PDZD4: variants seen among roughly 807,000 people sequenced by gnomAD.
PDZD4 encodes the protein PDZ domain containing 4.
In PDZD4, 9 loss-of-function variants were observed where a neutral mutation model predicts 38.5. That is an observed-to-expected ratio of 0.23 (90% CI 0.14 to 0.41). The LOEUF (loss-of-function observed/expected upper bound fraction) is 0.41. Ranked by LOEUF, PDZD4 falls within the 10% of genes least tolerant of loss-of-function variation. PDZD4 has a pLI of 1.00. For synonymous variants in PDZD4, 349 were observed against 315.7 expected, an observed-to-expected ratio of 1.11 and a Z score of -1.12; for missense variants, 612 against 722.0, an observed-to-expected ratio of 0.85 and a Z score of 1.75.
chrX:153,803,396 C>A lies in PDZD4; in HGVS notation c.2285G>T (p.Gly762Val). The stretch of plus-strand genomic sequence containing the variant: ...GAGAAGAGGGTTGTAGACCCGCTTG[C>A]CATCGGCGGAGCGCGCGCCGTGGGC... ...MLAHGARSAD[G>V]KRVYNPLLSV... Residue 762 changes from glycine to valine, a missense_variant, in exon 8 of 8, where the codon GGC becomes GTC. Physicochemically the swap from Gly to Val is moderately radical, Grantham distance 109 (BLOSUM62 -3). This residue lies in a region of PDZD4 where 87 missense variants were observed against 126.3 expected (regional missense o/e 0.69). Transcript: ENST00000393758. 3 of 1,142,251 alleles carry A rather than the reference C, an allele frequency of 2.6e-6. No homozygotes were observed. The highest frequency in any genetic ancestry group is 3.5e-6 in the Non-Finnish European group (3 of 863,643). 94.1% of individuals were successfully genotyped at this position (1,142,251 alleles called of 1,213,427 possible). A position where few individuals can be genotyped will look rare whatever the true frequency, so the allele number is the denominator to read the frequency against.
rs782161481 is a variant in PDZD4 at position 153,804,010 on chromosome X, C to T, written c.1671G>A (p.Lys557=). ...HAEERGRRNP[K]TGLTLERVGP... is the part of the protein sequence containing the mutation. ...CCACACGCTCCAGGGTCAACCCCGT[C>T]TTGGGGTTGCGGCGGCCGCGCTCCT... is the stretch of plus-strand genomic sequence containing the variant. Residue 557 remains lysine, a synonymous_variant, in exon 8 of 8, where the codon AAG becomes AAA. Coordinates refer to ENST00000393758, the MANE Select transcript of PDZD4 (RefSeq NM_001303512.2). 1.7e-5 allele frequency: 20 copies of T among 1,160,536 alleles called. No individual in the cohort carries two copies. The highest frequency in any genetic ancestry group is 2.2e-5 in the Non-Finnish European group (19 of 871,240).
rs1434496078 is a variant in PDZD4 at position 153,803,773 on chromosome X, G to A, written c.1908C>T (p.Ser636=). ...GCTTGGCCACGTAGCGGGTTCCGTC[G>A]CTGCGCACCTTCACTTTCCACTCCA... ...PRMEWKVKVR[S]DGTRYVAKRP... The change falls in exon 8 of 8, where the codon AGC becomes AGT. Residue 636 remains serine (S), a synonymous_variant. Transcript: ENST00000393758. 2 of 1,207,044 alleles carry A rather than the reference G, an allele frequency of 1.7e-6. No homozygotes were observed. Among genetic ancestry groups the A allele is most frequent in the Non-Finnish European group, 2.2e-6 (2 of 895,146 alleles).
rs782685044 is a variant in PDZD4, at chrX:153,806,782, C to T, written c.464G>A (p.Arg155His). 8.3e-7 allele frequency: 1 copy of T among 1,211,337 alleles called. No individual in the cohort carries two copies. Among genetic ancestry groups the T allele is most frequent in the South Asian group, 1.8e-5 (1 of 56,929 alleles). Reference sequence around the variant, plus strand: ...GCCCAGGTCCTCCTCGTCGTCCGTGCGGTAGCAAACCATCAGGCCCAGCTT... The same window carrying T: ...GCCCAGGTCCTCCTCGTCGTCCGTGTGGTAGCAAACCATCAGGCCCAGCTT... ...RDKLGLMVCY[R>H]TDDEEDLGIY... is the part of the protein sequence containing the mutation. Residue 155 changes from arginine to histidine, a missense_variant, in exon 4 of 8, where the codon CGC becomes CAC. Arg to His is a conservative substitution (Grantham distance 29). Transcript: ENST00000393758.
Position 153,805,489 on chromosome X carries a change from T to C in PDZD4, c.669+16A>G, listed in dbSNP as rs917728863. ...CTGATGTCGTGGCCCCGGGTCGCCC[T>C]GCCAGGCATACACACCTGACTCTCA... is the stretch of plus-strand genomic sequence containing the variant. On this transcript the variant is annotated intron_variant, in intron 6 of 7. Transcript: ENST00000393758. 2 of 1,176,331 alleles carry C rather than the reference T, an allele frequency of 1.7e-6. No individual in the cohort carries two copies.
In PDZD4 at chrX:153,804,283, G is replaced by A. The variant is rs372429047; in HGVS notation, c.1398C>T (p.Pro466=). The A allele has an allele frequency of 2.1e-4, 258 of 1,207,344 alleles. No individual in the cohort carries two copies. The highest frequency in any genetic ancestry group is 4.3e-4 in the Admixed American group (20 of 46,018). ...TGGTGCTGTCCTTGTCCGACTTCTCGGGCAGCTCGGAGATGTCGGACAGCT... is the reference window on the plus strand; with the variant it reads ...TGGTGCTGTCCTTGTCCGACTTCTCAGGCAGCTCGGAGATGTCGGACAGCT... ...KHELSDISEL[P]EKSDKDSTSA... Residue 466 remains proline (P), a synonymous_variant, in exon 8 of 8, where the codon CCC becomes CCT. Transcript: ENST00000393758.
At chrX:153,805,357 AG>A in intron 6 of PDZD4, 147 bp downstream of exon 6, 1 of 685,970 alleles carries the variant, frequency 1.5e-6, no homozygotes, top group Non-Finnish European at 2.2e-6. Context: ...AGAGGCCAGG[AG>A]GGGAAACGGG....
chrX:153,824,942 G>C (rs1557082205), intron 1 of PDZD4, among the ~76,000 whole-genome samples: 1 of 112,309 alleles, frequency 8.9e-6, no homozygotes, highest in African/African-American at 3.2e-5. Context: ...AGGTTTTGGT[G>C]AGCCCAGATC....
At chrX:153,829,378 C>T in intron 1 of PDZD4, among the ~76,000 whole-genome samples, 1 of 111,479 alleles carries the variant, frequency 9.0e-6, no homozygotes, top group South Asian at 3.8e-4. Flanking sequence ...CCTGTCTGCT[C>T]CTGGGTGCCT....
chrX:153,809,358 G>A (rs1327810294), intron 1 of PDZD4, among the ~76,000 whole-genome samples: 1 of 112,605 alleles, frequency 8.9e-6, no homozygotes, highest in African/African-American at 3.2e-5. Flanking sequence ...AGGCCTAGGC[G>A]GGCAGATCAC....
intron 4 of PDZD4, 140 bp downstream of exon 4, chrX:153,806,602 C>T (rs1309521245): frequency 7.7e-6 from 4 of 519,405 alleles, no homozygotes; most frequent in South Asian, 5.8e-5. Flanking sequence ...TGGCTGAAGC[C>T]GTCGACCATC....
chrX:153,829,933 G>C, intron 1 of PDZD4: 3 of 810,964 alleles, frequency 3.7e-6, no homozygotes, highest in Non-Finnish European at 4.5e-6. Context: ...CCTGGGTCCT[G>C]CGGGGAGAGC....
In PDZD4 at chrX:153,822,677, GTCTT is replaced by G. The variant is rs781923115; in HGVS notation, c.60+7558_60+7561del. On this transcript the variant is annotated intron_variant, in intron 1 of 7. Coordinates refer to ENST00000393758, the MANE Select transcript of PDZD4 (RefSeq NM_001303512.2). ...CCTCTCTCTCTCTCTCTTTCTCTCT[GTCTT>G]TCTTTCTTTTTTTTCCAGACACAGT... 9.9e-4 allele frequency among the ~76,000 whole-genome samples: 98 copies of G among 99,399 alleles called. 1 individual carries two copies. Among genetic ancestry groups the G allele is most frequent in the African/African-American group, 3.3e-3 (86 of 26,444 alleles). The allele number at this position is 99,399 out of a possible 115,157, so 86.3% of individuals were successfully genotyped here.
chrX:153,830,357 C>G lies in PDZD4; in HGVS notation c.-59G>C. Reference sequence around the variant, plus strand: ...AACGGGAAGACGCCTTTCACTGACCCGGGCGCGGGACCTCGGGTCCCGGGC... The same window carrying G: ...AACGGGAAGACGCCTTTCACTGACCGGGGCGCGGGACCTCGGGTCCCGGGC... On this transcript the variant is annotated 5_prime_UTR_variant, in exon 1 of 8. Coordinates refer to ENST00000393758, the MANE Select transcript of PDZD4 (RefSeq NM_001303512.2). The G allele has an allele frequency of 9.1e-7, 1 of 1,103,034 alleles. No homozygotes were observed. Among genetic ancestry groups the G allele is most frequent in the Non-Finnish European group, 1.2e-6 (1 of 809,747 alleles). 90.9% of individuals were successfully genotyped at this position (1,103,034 alleles called of 1,213,427 possible). A position where few individuals can be genotyped will look rare whatever the true frequency, so the allele number is the denominator to read the frequency against.
At position 153,804,501 on chromosome X, in the gene PDZD4, C is replaced by T. The variant is rs1557076107; in HGVS notation, c.1180G>A (p.Asp394Asn). The T allele has an allele frequency of 2.5e-6, 3 of 1,210,290 alleles. No individual in the cohort carries two copies. The highest frequency in any genetic ancestry group is 3.3e-6 in the Non-Finnish European group (3 of 895,534). Reference protein sequence around the residue: ...PRASGGNSALDVNRNESLGHE... With the variant: ...PRASGGNSALNVNRNESLGHE... ...CCCAGGCTCTCGTTGCGGTTGACGT[C>T]CAGGGCGCTGTTGCCTCCGGAGGCC... is the stretch of plus-strand genomic sequence containing the variant. Residue 394 changes from aspartate to asparagine, a missense_variant, in exon 8 of 8, where the codon GAC (aspartate) becomes AAC (asparagine). By Grantham distance (23) the Asp-to-Asn change is conservative. Transcript: ENST00000393758.
At position 153,803,664 on chromosome X, in the gene PDZD4, C is replaced by T; in HGVS notation, c.2017G>A (p.Val673Met). The T allele has an allele frequency of 8.3e-7, 1 of 1,210,440 alleles. No individual in the cohort carries two copies. The highest frequency in any genetic ancestry group is 1.1e-6 in the Non-Finnish European group (1 of 895,566). Residue 673 changes from valine to methionine, a missense_variant, in exon 8 of 8, where the codon GTG (valine) becomes ATG (methionine). By Grantham distance (21) the Val-to-Met change is conservative. Transcript: ENST00000393758. ...TAGCGGCCCATCTTCATCTCGCTCACCGCGTCGTCGTCGGTCGTCATACCG... is the reference window on the plus strand; with the variant it reads ...TAGCGGCCCATCTTCATCTCGCTCATCGCGTCGTCGTCGGTCGTCATACCG... ...RSGMTTDDDA[V>M]SEMKMGRYWS...
chrX:153,827,572 A>AT (rs1418591670), intron 1 of PDZD4, among the ~76,000 whole-genome samples: 1 of 112,808 alleles, frequency 8.9e-6, no homozygotes, highest in Non-Finnish European at 1.9e-5. Context: ...TACATGGATG[A>AT]ACCTTGAAAA....
chrX:153,827,745 G>A (rs1280767115), intron 1 of PDZD4, among the ~76,000 whole-genome samples: 1 of 111,358 alleles, frequency 9.0e-6, no homozygotes, highest in Admixed American at 9.6e-5. Context: ...TTTCTTTTGG[G>A]GTGATGAAAA....
In PDZD4 at chrX:153,830,175, C is replaced by A. The variant is rs7891621; in HGVS notation, c.60+64G>T. ...CTCTCCCACGCCCGCCGCTCCGGGC[C>A]TCCCCACTGGCCCGCTCCTCCCCGC... On this transcript the variant is annotated intron_variant, in intron 1 of 7. Coordinates refer to ENST00000393758, the MANE Select transcript of PDZD4 (RefSeq NM_001303512.2). 7.9e-4 allele frequency: 844 copies of A among 1,064,352 alleles called. 3 individuals carry two copies. The African/African-American group carries it at 0.015, about 18-fold the overall frequency. 87.7% of individuals were successfully genotyped at this position (1,064,352 alleles called of 1,213,427 possible).
chrX:153,805,398 C>CCAAAAA, intron 6 of PDZD4, 107 bp downstream of exon 6: 2 of 553,446 alleles, frequency 3.6e-6, no homozygotes, highest in Non-Finnish European at 6.0e-6. Context: ...ACCCGCCCTC[C>CCAAAAA]ATCAACTCCA....
Sources: gnomAD v4.1 joint callset for allele counts (sites outside exome capture counted in the v4.1 genomes callset) on GRCh38, gnomAD v4.1.1 for gene constraint, gnomAD v4.1.1 regional missense constraint, MANE v1.5 for transcripts, NCBI Gene and HGNC (gene_info 2026-07-23, HGNC 2026-07-21) for gene names.